The following DECR1 variants were observed in gnomAD, a reference collection of about 807,000 sequenced individuals.
DECR1 encodes the protein 2,4-dienoyl-CoA reductase [(3E)-enoyl-CoA-producing], mitochondrial.
A neutral mutation model predicts 38.8 loss-of-function variants in DECR1; 44 were observed. The observed-to-expected ratio is 1.13, with a 90% CI of 0.89 to 1.46. The LOEUF (loss-of-function observed/expected upper bound fraction) is 1.46. DECR1 is among the 40% of genes most tolerant of loss of function. The pLI is 0.00. For synonymous variants in DECR1, 148 were observed against 135.2 expected (o/e 1.09, Z -0.66); for missense variants, 428 against 405.5 (o/e 1.06, Z -0.48).
At chr8:90,041,466 A>T (rs1222422707) in intron 6 of DECR1, among the ~76,000 whole-genome samples, 1 of 152,184 alleles carries the variant, frequency 6.6e-6, no homozygotes, top group African/African-American at 2.4e-5. Flanking sequence ...TTTGCTGTGC[A>T]CAAGTTCTTT....
In DECR1 at chr8:90,048,821, C is replaced by T. The variant is rs533528234; in HGVS notation, c.886-2856C>T. Among the ~76,000 whole-genome samples the T allele has an allele frequency of 2.0e-5, 3 of 152,300 alleles. No individual in the cohort carries two copies. The East Asian group carries it at 5.8e-4, about 29-fold the overall frequency. On this transcript the variant is annotated intron_variant, in intron 8 of 9. Transcript: ENST00000220764. ...TACTGGCAAACCAAATCCAGCAGCA[C>T]ATCAAAAAGGTTATCCACCACGATC...
intron 5 of DECR1, among the ~76,000 whole-genome samples, chr8:90,034,685 C>T (rs1010347665): frequency 1.3e-5 from 2 of 152,104 alleles, no homozygotes; most frequent in Admixed American, 1.3e-4. Flanking sequence ...CTCCTGACCT[C>T]AGGTGATTTG....
chr8:90,047,357 A>G (rs1334444348), intron 8 of DECR1, among the ~76,000 whole-genome samples: 1 of 151,736 alleles, frequency 6.6e-6, no homozygotes, highest in Non-Finnish European at 1.5e-5. Context: ...GCAAATGGAA[A>G]ACAAAAAAAA....
chr8:90,003,092 T>C (rs947310107), intron 1 of DECR1: 2 of 152,144 alleles, frequency 1.3e-5, no homozygotes, highest in African/African-American at 4.8e-5. Flanking sequence ...AGGTTCAGGG[T>C]TGGGAGGCAA....
chr8:90,007,793 TTTTAG>T (rs1812782063), intron 1 of DECR1, among the ~76,000 whole-genome samples: 1 of 152,226 alleles, frequency 6.6e-6, no homozygotes, highest in Non-Finnish European at 1.5e-5. Context: ...GTTTAGCAAC[TTTTAG>T]TTTTTGCAGA....
At chr8:90,016,686 C>T (rs1252475956) in intron 1 of DECR1, 4 of 157,816 alleles carry the variant, frequency 2.5e-5, no homozygotes, top group Admixed American at 6.5e-5. Context: ...AAAACCAAAA[C>T]AAAACACAAC....
intron 5 of DECR1, among the ~76,000 whole-genome samples, chr8:90,034,936 C>G (rs1001824025): frequency 1.3e-5 from 2 of 152,074 alleles, no homozygotes; most frequent in African/African-American, 4.8e-5. Context: ...CTCAGTTTCT[C>G]TATAATATCA....
At chr8:90,047,944 TA>T (rs1563659513) in intron 8 of DECR1, among the ~76,000 whole-genome samples, 1 of 152,126 alleles carries the variant, frequency 6.6e-6, no homozygotes, top group African/African-American at 2.4e-5. Context: ...ACTGGGTACA[TA>T]ACGAAATGAA....
chr8:90,013,399 GTTTT>G (rs57505716), intron 1 of DECR1, among the ~76,000 whole-genome samples: 1 of 77,984 alleles, frequency 1.3e-5, no homozygotes, highest in Non-Finnish European at 2.3e-5. Flanking sequence ...CTCTTCTTTC[GTTTT>G]TTTTTTTTTT....
At chr8:90,009,624 T>C in intron 1 of DECR1, among the ~76,000 whole-genome samples, 1 of 152,194 alleles carries the variant, frequency 6.6e-6, no homozygotes, top group East Asian at 1.9e-4. Flanking sequence ...TAATGTCATG[T>C]TTATCCCTAA....
At chr8:90,006,555 CTG>C (rs1450155771) in intron 1 of DECR1, among the ~76,000 whole-genome samples, 1 of 152,140 alleles carries the variant, frequency 6.6e-6, no homozygotes, top group African/African-American at 2.4e-5. Context: ...ATCCTCTCAT[CTG>C]TTGAGAGGTG....
intron 5 of DECR1, among the ~76,000 whole-genome samples, chr8:90,021,425 G>C (rs1813161421): frequency 6.6e-6 from 1 of 152,074 alleles, no homozygotes; most frequent in African/African-American, 2.4e-5. Context: ...AAGTACATAG[G>C]GAATGATGAA....
rs189154625 is a variant in DECR1, at chr8:90,019,034, C to T, written c.331-52C>T. 3.2e-5 allele frequency: 51 copies of T among 1,588,032 alleles called. 1 individual carries two copies. The East Asian group carries it at 7.2e-4, about 22-fold the overall frequency. On this transcript the variant is annotated intron_variant, in intron 3 of 9. Transcript: ENST00000220764. ...AACATGTTCAAATAATTTGTTCATGCGTTTGGTTTAAGAAAGCTGGAAAAT... is the reference window on the plus strand; with the variant it reads ...AACATGTTCAAATAATTTGTTCATGTGTTTGGTTTAAGAAAGCTGGAAAAT...
chr8:90,016,943 G>A, intron 1 of DECR1, 181 bp from the exon 2 acceptor site: 1 of 554,402 alleles, frequency 1.8e-6, no homozygotes, highest in Non-Finnish European at 3.2e-6. Flanking sequence ...CAGCTCCAGA[G>A]CCTGTGCTTT....
At chr8:90,045,388 G>T (rs552962242) in intron 8 of DECR1, among the ~76,000 whole-genome samples, 1 of 152,018 alleles carries the variant, frequency 6.6e-6, no homozygotes, top group East Asian at 1.9e-4. Context: ...TATATCCCGC[G>T]CATGGCTCAG....
chr8:90,048,621 G>C (rs907955384), intron 8 of DECR1, among the ~76,000 whole-genome samples: 5 of 152,154 alleles, frequency 3.3e-5, no homozygotes, highest in Non-Finnish European at 5.9e-5. Context: ...AGAGGAGCTG[G>C]TACCATTCCT....
chr8:90,008,219 A>G (rs2130005454), intron 1 of DECR1, among the ~76,000 whole-genome samples: 1 of 152,328 alleles, frequency 6.6e-6, no homozygotes, highest in African/African-American at 2.4e-5. Context: ...CATTTCAGTC[A>G]GAGCATCACT....
At chr8:90,003,624 TA>T (rs529010698) in intron 1 of DECR1, among the ~76,000 whole-genome samples, 1 of 152,340 alleles carries the variant, frequency 6.6e-6, no homozygotes, top group East Asian at 1.9e-4. Context: ...TATAGTCTCA[TA>T]TATGTATTTT....
intron 1 of DECR1, chr8:90,006,200 T>A: frequency 1.4e-6 from 1 of 704,008 alleles, no homozygotes; most frequent in Non-Finnish European, 2.6e-6. Context: ...GAAAGAAGCC[T>A]GGAGTTGTAC....
Sources: allele counts gnomAD v4.1 joint callset (sites outside exome capture counted in the v4.1 genomes callset), GRCh38; gene constraint gnomAD v4.1.1; transcripts MANE v1.5; gene names NCBI Gene and HGNC (gene_info 2026-07-23, HGNC 2026-07-21).